The following PTPRM variants were observed in gnomAD, a reference collection of about 807,000 sequenced individuals.
PTPRM encodes protein tyrosine phosphatase receptor type M.
A neutral mutation model predicts 186.7 loss-of-function variants in PTPRM; 47 were observed. That is an observed-to-expected ratio of 0.25 (90% CI 0.20 to 0.32). The LOEUF is 0.32. Among genes scored for constraint, PTPRM ranks in the 10% least tolerant of loss-of-function variants. PTPRM has a pLI of 1.00. For synonymous variants in PTPRM, 668 were observed against 674.9 expected, an observed-to-expected ratio of 0.99 and a Z score of 0.16; for missense variants, 1,494 against 1,865.0, an observed-to-expected ratio of 0.80 and a Z score of 3.66.
chr18:7,611,403 C>T (rs2037670266), intron 1 of PTPRM, among the ~76,000 whole-genome samples: 1 of 152,162 alleles, frequency 6.6e-6, no homozygotes, highest in South Asian at 2.1e-4. Flanking sequence ...CCTGCGAGCT[C>T]CATTCATGGT....
At chr18:8,012,342 G>A (rs57643131) in intron 7 of PTPRM, among the ~76,000 whole-genome samples, 19,249 of 152,186 alleles carry the variant, frequency 0.13, 1,239 homozygotes, top group East Asian at 0.19. Context: ...GTGACAGATC[G>A]ACAGGCCATG....
chr18:8,008,547 G>A (rs755542128), intron 7 of PTPRM, among the ~76,000 whole-genome samples: 8 of 152,120 alleles, frequency 5.3e-5, no homozygotes, highest in Non-Finnish European at 1.2e-4. Context: ...TAAATAACTA[G>A]TGATGTTATT....
intron 2 of PTPRM, among the ~76,000 whole-genome samples, chr18:7,774,750 G>A (rs1486957413): frequency 6.6e-6 from 1 of 152,212 alleles, no homozygotes; most frequent in African/African-American, 2.4e-5. Flanking sequence ...ATGCAAAAAT[G>A]TGGGTATTTT....
At chr18:7,870,511 C>A (rs1020465132) in intron 2 of PTPRM, among the ~76,000 whole-genome samples, 24 of 152,116 alleles carry the variant, frequency 1.6e-4, no homozygotes, top group Admixed American at 1.1e-3. Flanking sequence ...TTGACGACAT[C>A]TGTTTTGGCT....
chr18:7,892,340 T>G (rs2049124256), intron 3 of PTPRM, among the ~76,000 whole-genome samples: 1 of 152,232 alleles, frequency 6.6e-6, no homozygotes, highest in Non-Finnish European at 1.5e-5. Flanking sequence ...ATTAAAGGAA[T>G]GATGCGGTTT....
At chr18:7,924,707 A>G (rs936683541) in intron 4 of PTPRM, among the ~76,000 whole-genome samples, 1 of 152,194 alleles carries the variant, frequency 6.6e-6, no homozygotes, top group Non-Finnish European at 1.5e-5. Context: ...TGTTGCATCA[A>G]GTGCTGTGGC....
intron 19 of PTPRM, among the ~76,000 whole-genome samples, chr18:8,272,281 T>C (rs2094782363): frequency 6.6e-6 from 1 of 151,904 alleles, no homozygotes; most frequent in South Asian, 2.1e-4. Flanking sequence ...ATCTTTAATA[T>C]TACATTTTTT....
intron 19 of PTPRM, among the ~76,000 whole-genome samples, chr18:8,261,301 C>T (rs186375253): frequency 9.8e-4 from 150 of 152,288 alleles, no homozygotes; most frequent in African/African-American, 3.5e-3. Context: ...AAGAATCACA[C>T]GGCTGTGTCT....
intron 1 of PTPRM, among the ~76,000 whole-genome samples, chr18:7,707,416 A>G (rs2144755012): frequency 6.6e-6 from 1 of 152,212 alleles, no homozygotes; most frequent in African/African-American, 2.4e-5. Context: ...GGATCACTTA[A>G]GGCTGGAAGT....
intron 5 of PTPRM, among the ~76,000 whole-genome samples, chr18:7,931,626 G>A (rs941590847): frequency 2.0e-5 from 3 of 152,264 alleles, no homozygotes; most frequent in African/African-American, 7.2e-5. Context: ...ACTTGAACCC[G>A]GAAGGCGGAG....
At chr18:8,305,910 T>C (rs987779472) in intron 20 of PTPRM, among the ~76,000 whole-genome samples, 8 of 152,088 alleles carry the variant, frequency 5.3e-5, no homozygotes, top group Non-Finnish European at 8.8e-5. Context: ...ATTTTTTTTT[T>C]TTTTTGGATG....
chr18:8,257,127 A>G (rs2094581991), intron 19 of PTPRM, among the ~76,000 whole-genome samples: 1 of 152,254 alleles, frequency 6.6e-6, no homozygotes, highest in Non-Finnish European at 1.5e-5. Flanking sequence ...TCTGAAGGCC[A>G]GTGGGGTCAC....
intron 7 of PTPRM, among the ~76,000 whole-genome samples, chr18:7,984,987 TTATATACATATAATTG>T (rs2082818705): frequency 8.4e-6 from 1 of 119,246 alleles, no homozygotes; most frequent in Non-Finnish European, 1.6e-5. Context: ...ATACATATAA[TTATATACATATAATTG>T]TATATACATA....
chr18:8,348,264 C>G (rs952506948), intron 23 of PTPRM, among the ~76,000 whole-genome samples: 5 of 152,250 alleles, frequency 3.3e-5, no homozygotes, highest in Non-Finnish European at 4.4e-5. Context: ...TGCTTCCCCC[C>G]ATTTTGCCCT....
chr18:7,889,333 C>CTTTTTTTTTTT (rs770886704), intron 3 of PTPRM, among the ~76,000 whole-genome samples: 11 of 119,848 alleles, frequency 9.2e-5, no homozygotes, highest in African/African-American at 2.3e-4. Flanking sequence ...TCTTTTCTTT[C>CTTTTTTTTTTT]TTTTTTTTTT....
intron 2 of PTPRM, among the ~76,000 whole-genome samples, chr18:7,835,682 A>G (rs948734651): frequency 1.2e-4 from 18 of 152,142 alleles, no homozygotes; most frequent in African/African-American, 4.1e-4. Context: ...ATCTCCAGCT[A>G]TTCTTGTATT....
intron 14 of PTPRM, among the ~76,000 whole-genome samples, chr18:8,209,257 G>A (rs1301744904): frequency 6.6e-6 from 1 of 152,154 alleles, no homozygotes; most frequent in Non-Finnish European, 1.5e-5. Flanking sequence ...GGACACAAGC[G>A]AAGAGACTGC....
chr18:7,807,452 C>T (rs896352853), intron 2 of PTPRM, among the ~76,000 whole-genome samples: 3 of 152,320 alleles, frequency 2.0e-5, no homozygotes, highest in East Asian at 1.9e-4. Context: ...CTTGTTCTTG[C>T]CCCATCCACA....
At chr18:7,583,149 C>G (rs889273741) in intron 1 of PTPRM, among the ~76,000 whole-genome samples, 5 of 152,224 alleles carry the variant, frequency 3.3e-5, no homozygotes, top group African/African-American at 1.2e-4. Flanking sequence ...TATGGTTTTC[C>G]TCAGCCCCAG....
Sources: gnomAD v4.1 joint callset for allele counts (sites outside exome capture counted in the v4.1 genomes callset) on GRCh38, gnomAD v4.1.1 for gene constraint, MANE v1.5 for transcripts, NCBI Gene and HGNC (gene_info 2026-07-23, HGNC 2026-07-21) for gene names.